Variants in DNAH5 observed in about 807,000 individuals in gnomAD.
DNAH5 encodes the protein axonemal beta dynein heavy chain 5.
DNAH5 carries 372 observed loss-of-function variants against 518.2 expected under a neutral mutation model. The observed-to-expected ratio is 0.72, with a 90% CI of 0.66 to 0.78. DNAH5 has a LOEUF of 0.78. Among genes scored for constraint, DNAH5 ranks in the 30% least tolerant of loss-of-function variants. DNAH5 has a pLI of 0.00. For missense variants in DNAH5, 5,523 were observed against 5,687.0 expected (o/e 0.97, Z 0.93); for synonymous variants, 2,039 against 2,025.9 (o/e 1.01, Z -0.17).
chr5:13,964,030 G>A (rs1467265512), intron 1 of DNAH5, among the ~76,000 whole-genome samples: 2 of 152,144 alleles, frequency 1.3e-5, no homozygotes, highest in Non-Finnish European at 2.9e-5. Flanking sequence ...TACATGTACC[G>A]ATCCCTGGCC....
In DNAH5 at chr5:13,868,775, C is replaced by T. The variant is rs1397971832; in HGVS notation, c.3835-783G>A. Among the ~76,000 whole-genome samples, 4 of 152,156 alleles carry T rather than the reference C, an allele frequency of 2.6e-5. No individual in the cohort carries two copies. In the East Asian group the frequency reaches 7.7e-4, roughly 29 times the overall value. On this transcript the variant is annotated intron_variant, in intron 24 of 78. Coordinates refer to ENST00000265104, the MANE Select transcript of DNAH5 (RefSeq NM_001369.3). ...TGCCATAAACTGGATCAGGGTAATA[C>T]CAAGACCTACAGCTTTCCAACACTG...
chr5:13,789,803 T>G (rs1384281551), intron 50 of DNAH5, among the ~76,000 whole-genome samples: 1 of 152,196 alleles, frequency 6.6e-6, no homozygotes, highest in Non-Finnish European at 1.5e-5. Context: ...TAAATAACTT[T>G]GAGGGAAAAA....
chr5:13,709,514 G>A (rs1184006784), intron 75 of DNAH5, among the ~76,000 whole-genome samples: 1 of 152,108 alleles, frequency 6.6e-6, no homozygotes, highest in Admixed American at 6.6e-5. Flanking sequence ...TCATTAAGAT[G>A]TTAAAAAAGA....
In DNAH5 at chr5:13,962,317, AAT is replaced by A. The variant is rs547118422; in HGVS notation, c.13-31075_13-31074del. Among the ~76,000 whole-genome samples, 148 of 152,246 alleles carry A rather than the reference AAT, an allele frequency of 9.7e-4. 1 individual carries two copies. Among genetic ancestry groups the A allele is most frequent in the Non-Finnish European group, 1.7e-3 (113 of 68,046 alleles). ...TAACGCAAGTTTTTCACAGGAAAGC[AAT>A]ATGACTCTAAGGAATCATGAAAATC... is the stretch of plus-strand genomic sequence containing the variant. On this transcript the variant is annotated intron_variant, in intron 1 of 78. Coordinates refer to the DNAH5 transcript ENST00000681290.
At chr5:13,770,139 C>T (rs4368727) in intron 56 of DNAH5, among the ~76,000 whole-genome samples, 47,405 of 152,036 alleles carry the variant, frequency 0.31, 7,933 homozygotes, top group South Asian at 0.44. Context: ...TTTCGTGTAA[C>T]TGCCCACCCA....
At chr5:13,713,434 C>CATATATATATATATAT (rs200836910) in intron 75 of DNAH5, among the ~76,000 whole-genome samples, 40 of 70,648 alleles carry the variant, frequency 5.7e-4, no homozygotes, top group African/African-American at 1.6e-3. Context: ...TATACATCGA[C>CATATATATATATATAT]ATATATATAT....
intron 1 of DNAH5, among the ~76,000 whole-genome samples, chr5:13,935,310 C>T (rs28651169): frequency 0.64 from 97,875 of 151,784 alleles, 32,183 homozygotes; most frequent in African/African-American, 0.77. Context: ...GAGAAAAAAA[C>T]ATCCTAATGA....
intron 47 of DNAH5, among the ~76,000 whole-genome samples, chr5:13,807,378 T>C (rs976227035): frequency 6.6e-6 from 1 of 152,246 alleles, no homozygotes; most frequent in Non-Finnish European, 1.5e-5. Context: ...GCACCTTATA[T>C]AAGCTTTTAA....
Position 13,776,559 on chromosome 5 carries a change from C to A in DNAH5, c.9253G>T (p.Val3085Leu). The change falls in exon 55 of 79, where the codon GTG becomes TTG. Residue 3085 changes from valine to leucine, a missense_variant. Physicochemically the swap from Val to Leu is conservative, Grantham distance 32. Coordinates refer to ENST00000265104, the MANE Select transcript of DNAH5 (RefSeq NM_001369.3). ...TCCCCCACTGGCGAGAAGCAGAGCA[C>A]AATATGAAGGTTCTGTCGGACCCGA... ...MSRVRQNLHIVLCFSPVGEKF... is the reference protein window; with the variant it reads ...MSRVRQNLHILLCFSPVGEKF... The A allele has an allele frequency of 6.2e-7, 1 of 1,613,888 alleles. No homozygotes were observed. The highest frequency in any genetic ancestry group is 8.5e-7 in the Non-Finnish European group (1 of 1,179,868).
chr5:13,740,192 T>C (rs1425761562), intron 65 of DNAH5, among the ~76,000 whole-genome samples: 4 of 152,074 alleles, frequency 2.6e-5, no homozygotes, highest in Non-Finnish European at 1.5e-5. Flanking sequence ...AATCTAATCA[T>C]TTCTCACTCC....
intron 12 of DNAH5, among the ~76,000 whole-genome samples, chr5:13,904,225 T>G (rs1477923318): frequency 6.6e-6 from 1 of 150,930 alleles, no homozygotes; most frequent in Non-Finnish European, 1.5e-5. Flanking sequence ...CACTTAAAAT[T>G]CAAAATAGAT....
In DNAH5 at chr5:13,922,303, G is replaced by C; in HGVS notation, c.464C>G (p.Ala155Gly). Reference sequence around the variant, plus strand: ...ACTGTTGAGCAGGCCTCCATCTGCCGCATCTAACATGTTAAAACTCACCTC... The same window carrying C: ...ACTGTTGAGCAGGCCTCCATCTGCCCCATCTAACATGTTAAAACTCACCTC... ...HQEVSFNMLD[A>G]ADGGLLNSVR... The change falls in exon 5 of 79, where the codon GCG becomes GGG. Residue 155 changes from alanine to glycine, a missense_variant. Transcript: ENST00000265104. 1 of 1,613,902 alleles carries C rather than the reference G, an allele frequency of 6.2e-7. No homozygotes were observed.
At chr5:14,010,996 C>T (rs1260189579) in intron 1 of DNAH5, among the ~76,000 whole-genome samples, 1 of 148,312 alleles carries the variant, frequency 6.7e-6, no homozygotes, top group Non-Finnish European at 1.5e-5. Context: ...CCACAATATT[C>T]ACTTAAAAAA....
chr5:13,754,105 G>A (rs1750652321), intron 62 of DNAH5, 98 bp downstream of exon 62: 13 of 1,412,240 alleles, frequency 9.2e-6, no homozygotes, highest in South Asian at 2.3e-5. Context: ...GTATACATGC[G>A]CCATGTTGGA....
intron 17 of DNAH5, 87 bp downstream of exon 17, chr5:13,890,889 A>C: frequency 6.7e-7 from 1 of 1,491,232 alleles, no homozygotes; most frequent in Non-Finnish European, 9.3e-7. Flanking sequence ...AGAGAAAAAA[A>C]TCTAACTTAT....
intron 1 of DNAH5, among the ~76,000 whole-genome samples, chr5:13,937,170 C>T (rs547625243): frequency 1.3e-5 from 2 of 151,708 alleles, no homozygotes; most frequent in South Asian, 2.1e-4. Flanking sequence ...CAGACCAAGA[C>T]ATAGGATGCC....
chr5:13,978,589 T>A (rs1782447947), intron 1 of DNAH5, among the ~76,000 whole-genome samples: 1 of 152,212 alleles, frequency 6.6e-6, no homozygotes, highest in African/African-American at 2.4e-5. Flanking sequence ...CCCATGAGAT[T>A]ATAATGCCAT....
rs1252460604 is a variant in DNAH5, at chr5:13,870,862, T to C, written c.3739A>G (p.Ile1247Val). 6 of 1,613,770 alleles carry C rather than the reference T, an allele frequency of 3.7e-6. No homozygotes were observed. In the South Asian group the frequency reaches 6.6e-5, roughly 18 times the overall value. The change falls in exon 24 of 79, where the codon ATT (isoleucine) becomes GTT (valine). Residue 1247 changes from isoleucine to valine, a missense_variant. Ile to Val is a conservative substitution (Grantham distance 29). Transcript: ENST00000265104. ...ATCCGAATATCATCTAGGTCCTTAATTGGACGATTTAGTTTCTTATTGAAT... is the reference window on the plus strand; with the variant it reads ...ATCCGAATATCATCTAGGTCCTTAACTGGACGATTTAGTTTCTTATTGAAT... ...EEFNKKLNRP[I>V]KDLDDIRIAM...
intron 16 of DNAH5, 64 bp from the exon 17 acceptor site, chr5:13,891,185 C>A: frequency 1.3e-6 from 2 of 1,546,544 alleles, no homozygotes; most frequent in South Asian, 2.2e-5. Flanking sequence ...TTAAAAAAAT[C>A]AACACTTGAT....
Sources: allele counts gnomAD v4.1 joint callset (sites outside exome capture counted in the v4.1 genomes callset), GRCh38; gene constraint gnomAD v4.1.1; transcripts MANE v1.5; gene names NCBI Gene and HGNC (gene_info 2026-07-23, HGNC 2026-07-21).